The following LINGO2 variants were observed in gnomAD, a reference collection of about 807,000 sequenced individuals.
LINGO2 encodes the protein leucine rich repeat and Ig domain containing 2.
In LINGO2, 14 loss-of-function variants were observed where a neutral mutation model predicts 30.6. The ratio of observed to expected loss-of-function variants is 0.46; its 90% CI spans 0.30 to 0.72. The LOEUF is 0.72. Ranked by LOEUF, LINGO2 falls within the 30% of genes least tolerant of loss-of-function variation. The pLI is 0.07. For missense variants in LINGO2, 729 were observed against 751.7 expected, an observed-to-expected ratio of 0.97 and a Z score of 0.35; for synonymous variants, 317 against 288.5, an observed-to-expected ratio of 1.10 and a Z score of -1.00.
intron 4 of LINGO2, among the ~76,000 whole-genome samples, chr9:28,139,659 C>A (rs1318179996): frequency 6.6e-6 from 1 of 151,976 alleles, no homozygotes; most frequent in Admixed American, 6.6e-5. Flanking sequence ...TAAAGGAATT[C>A]TACAGCTAGA....
chr9:29,175,595 C>T, the LINGO2 span, among the ~76,000 whole-genome samples: 2 of 145,142 alleles, frequency 1.4e-5, no homozygotes, highest in Non-Finnish European at 3.0e-5. Context: ...GGAGCGATCT[C>T]GGCTCACTGC....
At chr9:29,102,697 C>T in the LINGO2 span, among the ~76,000 whole-genome samples, 1 of 152,042 alleles carries the variant, frequency 6.6e-6, no homozygotes, top group African/African-American at 2.4e-5. Flanking sequence ...TGCAACATCA[C>T]TTTATAGTAT....
intron 2 of LINGO2, among the ~76,000 whole-genome samples, chr9:28,430,017 C>A (rs1248144327): frequency 6.6e-6 from 1 of 152,048 alleles, no homozygotes; most frequent in African/African-American, 2.4e-5. Context: ...ATGTGTGTGT[C>A]TAATTCTCAG....
At chr9:28,178,560 G>C (rs1489962834) in intron 4 of LINGO2, among the ~76,000 whole-genome samples, 1 of 152,070 alleles carries the variant, frequency 6.6e-6, no homozygotes. Context: ...AGAAGGAACA[G>C]GAACAAAGCT....
the LINGO2 span, among the ~76,000 whole-genome samples, chr9:28,783,802 A>G: frequency 1.3e-5 from 2 of 152,284 alleles, no homozygotes; most frequent in Middle Eastern, 3.4e-3. Flanking sequence ...AATAGTAGAA[A>G]TTTATTTCTC....
chr9:27,977,225 A>G (rs16912179), intron 5 of LINGO2, among the ~76,000 whole-genome samples: 7,705 of 151,858 alleles, frequency 0.051, 368 homozygotes, highest in Admixed American at 0.1. Context: ...ACAATCACAG[A>G]CCACAGAGAT....
chr9:28,940,723 C>A, the LINGO2 span, among the ~76,000 whole-genome samples: 1 of 152,048 alleles, frequency 6.6e-6, no homozygotes, highest in Non-Finnish European at 1.5e-5. Context: ...TAGTGACTCC[C>A]ATAACTATGA....
At chr9:28,564,949 C>T (rs1823289392) in intron 1 of LINGO2, among the ~76,000 whole-genome samples, 1 of 152,002 alleles carries the variant, frequency 6.6e-6, no homozygotes, top group Non-Finnish European at 1.5e-5. Context: ...TGGTATGAAG[C>T]TGTCTGCAAG....
intron 3 of LINGO2, among the ~76,000 whole-genome samples, chr9:28,306,426 A>T (rs949800594): frequency 2.0e-5 from 3 of 152,150 alleles, no homozygotes; most frequent in Non-Finnish European, 4.4e-5. Context: ...CACAGTCAAA[A>T]CAGTGTGTAG....
chr9:28,543,629 C>G, intron 1 of LINGO2, among the ~76,000 whole-genome samples: 1 of 152,060 alleles, frequency 6.6e-6, no homozygotes, highest in Admixed American at 6.6e-5. Context: ...AAAAAATCTC[C>G]TTACTTTTTC....
At chr9:28,412,773 A>G (rs1486758334) in intron 2 of LINGO2, among the ~76,000 whole-genome samples, 2 of 152,132 alleles carry the variant, frequency 1.3e-5, no homozygotes, top group Non-Finnish European at 2.9e-5. Context: ...TCTAAATTTC[A>G]TAATAAAATT....
intron 2 of LINGO2, among the ~76,000 whole-genome samples, chr9:28,392,474 C>G (rs1294504444): frequency 6.6e-6 from 1 of 152,104 alleles, no homozygotes; most frequent in Admixed American, 6.5e-5. Context: ...ATAGTTCCAC[C>G]TCATATGGGT....
chr9:28,432,596 A>C (rs1823722704), intron 2 of LINGO2, among the ~76,000 whole-genome samples: 1 of 152,078 alleles, frequency 6.6e-6, no homozygotes, highest in African/African-American at 2.4e-5. Context: ...AAATCTATTC[A>C]CATGGGTTAA....
At chr9:28,759,454 G>A in the LINGO2 span, among the ~76,000 whole-genome samples, 15 of 151,882 alleles carry the variant, frequency 9.9e-5, no homozygotes, top group African/African-American at 1.2e-4. Flanking sequence ...AGGACGAGGC[G>A]GGTGGATCAC....
chr9:28,048,051 G>C lies in LINGO2; in HGVS notation c.-86-35646C>G, dbSNP rs138545032. ...ACATTAAACTTACAAAGAAGTTTTA[G>C]AACTTAAAACTGCATGTACTGGCAG... On this transcript the variant is annotated intron_variant, in intron 4 of 5. Transcript: ENST00000379992. Among the ~76,000 whole-genome samples, 372 of 150,892 alleles carry C rather than the reference G, an allele frequency of 2.5e-3. 14 individuals carry two copies. Among genetic ancestry groups the C allele is most frequent in the African/African-American group, 7.5e-3 (305 of 40,920 alleles).
At chr9:28,031,502 T>C (rs936853861) in intron 4 of LINGO2, among the ~76,000 whole-genome samples, 2 of 152,182 alleles carry the variant, frequency 1.3e-5, no homozygotes, top group African/African-American at 4.8e-5. Flanking sequence ...AAAAAGCTGA[T>C]GGATTTTGAT....
At chr9:28,949,277 T>C in the LINGO2 span, among the ~76,000 whole-genome samples, 3 of 151,432 alleles carry the variant, frequency 2.0e-5, no homozygotes, top group African/African-American at 4.9e-5. Context: ...CTGAAGGAGA[T>C]AGAGACACGA....
At chr9:29,126,492 T>C in the LINGO2 span, among the ~76,000 whole-genome samples, 26 of 152,224 alleles carry the variant, frequency 1.7e-4, no homozygotes, top group East Asian at 4.6e-3. Context: ...GAAATATTTA[T>C]AAAATATTTC....
chr9:29,062,393 T>C, the LINGO2 span, among the ~76,000 whole-genome samples: 2 of 152,120 alleles, frequency 1.3e-5, no homozygotes, highest in Non-Finnish European at 2.9e-5. Context: ...ACACCCATGC[T>C]CACTGCAGCA....
Sources: allele counts gnomAD v4.1 joint callset (sites outside exome capture counted in the v4.1 genomes callset), GRCh38; gene constraint gnomAD v4.1.1; transcripts MANE v1.5; gene names NCBI Gene and HGNC (gene_info 2026-07-23, HGNC 2026-07-21).